ZNF91: variants seen among roughly 807,000 people sequenced by gnomAD.
ZNF91 encodes zinc finger protein 91 (HPF7, HTF10).
ZNF91 carries 7 observed loss-of-function variants against 12.6 expected under a neutral mutation model. The ratio of observed to expected loss-of-function variants is 0.55; its 90% confidence interval spans 0.31 to 1.04. The LOEUF (loss-of-function observed/expected upper bound fraction) is 1.04. Ranked by LOEUF, ZNF91 falls within the 50% of genes least tolerant of loss-of-function variation. The pLI is 0.05. For synonymous variants in ZNF91, 453 were observed against 462.6 expected (o/e 0.98, Z 0.27); for missense variants, 1,217 against 1,385.4 (o/e 0.88, Z 1.93).
At chr19:23,362,772 C>T (rs1396722714) in intron 3 of ZNF91, 47 bp from the exon 4 acceptor site, 1 of 1,370,928 alleles carries the variant, frequency 7.3e-7, no homozygotes, top group Admixed American at 3.1e-5. Flanking sequence ...CTCACCTAGA[C>T]TCACATGAAT....
intron 1 of ZNF91, among the ~76,000 whole-genome samples, chr19:23,377,529 A>G (rs1969546682): frequency 6.6e-6 from 1 of 152,142 alleles, no homozygotes; most frequent in African/African-American, 2.4e-5. Context: ...GGGTGTTCTA[A>G]ACAAGTCCCC....
intron 1 of ZNF91, among the ~76,000 whole-genome samples, chr19:23,332,545 CCAAA>C (rs1173107731): frequency 6.6e-6 from 1 of 152,132 alleles, no homozygotes; most frequent in Admixed American, 6.6e-5. Flanking sequence ...GATTCGTTCA[CCAAA>C]CAAATACTAA....
chr19:23,389,036 T>C (rs990197626), intron 1 of ZNF91, among the ~76,000 whole-genome samples: 4 of 151,864 alleles, frequency 2.6e-5, no homozygotes, highest in East Asian at 3.9e-4. Flanking sequence ...TCAGAAAAAA[T>C]ACCTCTTTGG....
Position 23,358,354 on chromosome 19 carries a change from C to T in ZNF91, c.*1049G>A, listed in dbSNP as rs1427985568. 12 of 152,212 alleles carry T rather than the reference C, an allele frequency of 7.9e-5. No homozygotes were observed. The highest frequency in any genetic ancestry group is 6.2e-4 in the South Asian group (3 of 4,828). 9.4% of individuals were successfully genotyped at this position (152,212 alleles called of 1,614,324 possible). A position where few individuals can be genotyped will look rare whatever the true frequency, so the allele number is the denominator to read the frequency against. On this transcript the variant is annotated 3_prime_UTR_variant, in exon 4 of 4. Transcript: ENST00000300619. ...CTGAACATCTACCTCATGCATCACT[C>T]GATATTATAAGTTAACCATAAAGAT...
At chr19:23,305,342 C>T (rs1229418361) in intron 3 of ZNF91, among the ~76,000 whole-genome samples, 1 of 152,112 alleles carries the variant, frequency 6.6e-6, no homozygotes, top group East Asian at 1.9e-4. Flanking sequence ...TACAAGCAAC[C>T]CACTTACTCA....
At chr19:23,393,640 C>G (rs1970140463) in intron 1 of ZNF91, among the ~76,000 whole-genome samples, 1 of 152,102 alleles carries the variant, frequency 6.6e-6, no homozygotes, top group Non-Finnish European at 1.5e-5. Flanking sequence ...TTGCTTTCTT[C>G]TCACAGGGAG....
intron 3 of ZNF91, among the ~76,000 whole-genome samples, chr19:23,373,497 T>C (rs1309539478): frequency 6.6e-6 from 1 of 151,766 alleles, no homozygotes; most frequent in African/African-American, 2.4e-5. Context: ...TGCACTCTTT[T>C]CTATGCCATG....
chr19:23,350,100 A>G (rs868435429), intron 3 of ZNF91, among the ~76,000 whole-genome samples: 1 of 152,374 alleles, frequency 6.6e-6, no homozygotes, highest in Middle Eastern at 3.4e-3. Flanking sequence ...GCAGCAATTT[A>G]TCAAAACAGG....
chr19:23,339,952 A>G (rs1273893187), intron 3 of ZNF91: 4 of 151,828 alleles, frequency 2.6e-5, no homozygotes, highest in African/African-American at 9.7e-5. Context: ...CAAAAAAAAA[A>G]AAAAAAAATT....
At chr19:23,389,320 CA>C (rs1969984102) in intron 1 of ZNF91, among the ~76,000 whole-genome samples, 1 of 144,296 alleles carries the variant, frequency 6.9e-6, no homozygotes, top group Non-Finnish European at 1.5e-5. Flanking sequence ...GGCTGGTGGA[CA>C]AAACAGCCTG....
intron 1 of ZNF91, 115 bp downstream of exon 1, chr19:23,395,210 C>T: frequency 2.2e-6 from 3 of 1,338,118 alleles, no homozygotes; most frequent in South Asian, 2.6e-5. Flanking sequence ...AAGGAGAACC[C>T]GGGCACGGAT....
chr19:23,356,758 T>C (rs1968498232), downstream of ZNF91, among the ~76,000 whole-genome samples: 2 of 152,210 alleles, frequency 1.3e-5, no homozygotes, highest in Admixed American at 1.3e-4. Context: ...AAAGTATTTT[T>C]ATAATTACAG....
In ZNF91 at chr19:23,381,931, G is replaced by A. The variant is rs533737989; in HGVS notation, c.31-7167C>T. Among the ~76,000 whole-genome samples, 76 of 151,492 alleles carry A rather than the reference G, an allele frequency of 5.0e-4. No homozygotes were observed. The South Asian group carries it at 0.012, about 23-fold the overall frequency. ...CTCAACTTTTGTGTGCTTTTAGAATGAGCAAGACTGAACAAATCTGTGTCA... is the reference window on the plus strand; with the variant it reads ...CTCAACTTTTGTGTGCTTTTAGAATAAGCAAGACTGAACAAATCTGTGTCA... On this transcript the variant is annotated intron_variant, in intron 1 of 3. Coordinates refer to ENST00000300619, the MANE Select transcript of ZNF91 (RefSeq NM_003430.4).
At chr19:23,373,371 T>C (rs1969366290) in intron 3 of ZNF91, among the ~76,000 whole-genome samples, 1 of 84,626 alleles carries the variant, frequency 1.2e-5, no homozygotes, top group East Asian at 2.7e-4. Context: ...TATATATATA[T>C]ATATATATAT....
At chr19:23,389,995 G>A (rs1223323122) in intron 1 of ZNF91, among the ~76,000 whole-genome samples, 1 of 152,114 alleles carries the variant, frequency 6.6e-6, no homozygotes, top group African/African-American at 2.4e-5. Flanking sequence ...GCGGAACACT[G>A]TAGTCATATT....
chr19:23,360,196 T>C lies in ZNF91; in HGVS notation c.2783A>G (p.His928Arg). 2 of 1,614,022 alleles carry C rather than the reference T, an allele frequency of 1.2e-6. No homozygotes were observed. Among genetic ancestry groups the C allele is most frequent in the Non-Finnish European group, 1.7e-6 (2 of 1,180,024 alleles). The change falls in exon 4 of 4, where the codon CAT becomes CGT. Residue 928 changes from histidine (H) to arginine (R), a missense_variant. His to Arg is a conservative substitution (Grantham distance 29, BLOSUM62 0). This residue lies in a region of ZNF91 where 491 missense variants were observed against 489.8 expected (regional missense o/e 1.00). Transcript: ENST00000300619. ...AFSQPSHLTT[H>R]KRMHTGEKPY... ...TTTCTCTCCAGTGTGCATCCTCTTA[T>C]GTGTAGTAAGGTGTGAAGGCTGGCT...
At chr19:23,339,158 G>C (rs1054416743) in intron 3 of ZNF91, 3 of 151,056 alleles carry the variant, frequency 2.0e-5, no homozygotes, top group Non-Finnish European at 4.4e-5. Context: ...GACACATATA[G>C]ATTAAAGGCA....
chr19:23,383,175 G>A (rs1216365859), intron 1 of ZNF91, among the ~76,000 whole-genome samples: 2 of 152,124 alleles, frequency 1.3e-5, no homozygotes, highest in East Asian at 3.8e-4. Context: ...GGAATGCAAG[G>A]TTGGTTCAAC....
chr19:23,373,346 TTATATATATATATATATATA>T (rs200251921), intron 3 of ZNF91, among the ~76,000 whole-genome samples: 58 of 85,804 alleles, frequency 6.8e-4, no homozygotes, highest in Admixed American at 3.9e-3. Context: ...TCATGTAATC[TTATATATATATATATATATA>T]TATATATATA....
Sources: allele counts gnomAD v4.1 joint callset (sites outside exome capture counted in the v4.1 genomes callset), GRCh38; gene constraint gnomAD v4.1.1; regional missense constraint gnomAD v4.1.1; transcripts MANE v1.5; gene names NCBI Gene and HGNC (gene_info 2026-07-23, HGNC 2026-07-21).